The following RAD21 variants were observed in gnomAD, a reference collection of about 807,000 sequenced individuals.
RAD21 encodes RAD21 cohesin complex component.
RAD21 carries 18 observed loss-of-function variants against 71.5 expected under a neutral mutation model. The observed-to-expected ratio is 0.25, with a 90% CI of 0.17 to 0.37. The LOEUF (loss-of-function observed/expected upper bound fraction) is 0.37. RAD21 is among the 10% of genes least tolerant of loss of function. RAD21 has a pLI of 1.00. For synonymous variants in RAD21, 248 were observed against 254.0 expected (o/e 0.98, Z 0.22); for missense variants, 493 against 769.1 (o/e 0.64, Z 4.25).
chr8:116,869,970 G>A (rs932336428), intron 1 of RAD21, among the ~76,000 whole-genome samples: 3 of 152,058 alleles, frequency 2.0e-5, no homozygotes, highest in African/African-American at 4.8e-5. Flanking sequence ...TTAGTTACGC[G>A]TATCACAAGC....
chr8:116,858,547 A>ATG (rs1812519381), intron 4 of RAD21, 89 bp from the exon 5 acceptor site: 2 of 972,994 alleles, frequency 2.1e-6, no homozygotes, highest in African/African-American at 1.7e-5. Context: ...AATTAAAAAA[A>ATG]TATATATGTA....
In RAD21 at chr8:116,858,467, G is replaced by A. The variant is rs1812517261; in HGVS notation, c.375-9C>T. On this transcript the variant is annotated splice_polypyrimidine_tract_variant and intron_variant, in intron 4 of 13. Transcript: ENST00000297338. ...GGGCCACATCGATGTCACTTTAAAA[G>A]AAGGTCAAATACATTTTAGTTTCAA... 1.9e-6 allele frequency: 3 copies of A among 1,602,260 alleles called. No individual in the cohort carries two copies. Among genetic ancestry groups the A allele is most frequent in the Admixed American group, 1.7e-5 (1 of 59,654 alleles).
chr8:116,861,556 T>A (rs1812594506), intron 4 of RAD21, among the ~76,000 whole-genome samples: 1 of 151,830 alleles, frequency 6.6e-6, no homozygotes, highest in African/African-American at 2.4e-5. Flanking sequence ...TTCCCTGCTA[T>A]CATTATATAA....
At chr8:116,867,749 AAT>A (rs1812726056) in intron 1 of RAD21, among the ~76,000 whole-genome samples, 1 of 152,222 alleles carries the variant, frequency 6.6e-6, no homozygotes, top group African/African-American at 2.4e-5. Context: ...TTTAATTTGA[AAT>A]AGAGTCACAG....
chr8:116,852,510 A>G, intron 10 of RAD21, 39 bp downstream of exon 10: 1 of 1,552,960 alleles, frequency 6.4e-7, no homozygotes, highest in Non-Finnish European at 8.7e-7. Context: ...CCAAATACTC[A>G]TGTGAACTTC....
intron 12 of RAD21, chr8:116,849,288 G>T: frequency 2.7e-6 from 1 of 369,906 alleles, no homozygotes; most frequent in Non-Finnish European, 4.8e-6. Context: ...TGCGCTATAA[G>T]GATGCTATCT....
intron 4 of RAD21, among the ~76,000 whole-genome samples, chr8:116,859,050 T>G (rs1255333734): frequency 1.4e-5 from 2 of 144,018 alleles, no homozygotes; most frequent in Non-Finnish European, 3.0e-5. Flanking sequence ...ATAAGCTATA[T>G]CAACCAGATG....
intron 4 of RAD21, among the ~76,000 whole-genome samples, chr8:116,858,721 G>A (rs957562146): frequency 6.6e-6 from 1 of 152,052 alleles, no homozygotes. Flanking sequence ...CAAGTACAGA[G>A]GAAAAAATTA....
intron 1 of RAD21, among the ~76,000 whole-genome samples, chr8:116,872,370 T>C (rs1563695832): frequency 6.6e-6 from 1 of 152,172 alleles, no homozygotes. Flanking sequence ...GCAAAAAAGT[T>C]GGAGTTTTAA....
chr8:116,853,062 A>C (rs189617195), intron 9 of RAD21, among the ~76,000 whole-genome samples: 1 of 152,076 alleles, frequency 6.6e-6, no homozygotes, highest in South Asian at 2.1e-4. Flanking sequence ...ACATATGGTA[A>C]CCTTATTAGC....
At chr8:116,870,495 G>A (rs1411656945) in intron 1 of RAD21, among the ~76,000 whole-genome samples, 1 of 152,160 alleles carries the variant, frequency 6.6e-6, no homozygotes, top group African/African-American at 2.4e-5. Context: ...TTATTTTATA[G>A]ATTAAAACAT....
At position 116,847,099 on chromosome 8, in the gene RAD21, C is replaced by G. The variant is rs1812265693; in HGVS notation, c.*401G>C. On this transcript the variant is annotated 3_prime_UTR_variant, in exon 14 of 14. Coordinates refer to ENST00000297338, the MANE Select transcript of RAD21 (RefSeq NM_006265.3). ...GTTTTTTTTTCTTGTCAAAGACTTA[C>G]ACCATAGTTTTAAATTAAACTGTCA... 4.3e-6 allele frequency: 1 copy of G among 233,100 alleles called. No homozygotes were observed. The highest frequency in any genetic ancestry group is 8.4e-6 in the Non-Finnish European group (1 of 118,354). 14.4% of individuals were successfully genotyped at this position (233,100 alleles called of 1,614,324 possible). A position where few individuals can be genotyped will look rare whatever the true frequency, so the allele number is the denominator to read the frequency against.
At chr8:116,851,813 C>T (rs1316159576) in intron 11 of RAD21, 135 bp downstream of exon 11, 1 of 877,544 alleles carries the variant, frequency 1.1e-6, no homozygotes, top group African/African-American at 1.7e-5. Context: ...TATCCTGTTG[C>T]TCTTCTTCCT....
chr8:116,849,161 G>T, intron 12 of RAD21, 132 bp from the exon 13 acceptor site: 1 of 576,202 alleles, frequency 1.7e-6, no homozygotes, highest in Non-Finnish European at 2.9e-6. Context: ...TGTACTTAAT[G>T]CTGCTGAGCA....
At chr8:116,863,281 T>C (rs1812626418) in intron 2 of RAD21, 22 bp from the exon 3 acceptor site, 1 of 1,597,266 alleles carries the variant, frequency 6.3e-7, no homozygotes, top group African/African-American at 1.3e-5. Context: ...ACATTAATCA[T>C]ATTCCAAAAC....
Position 116,858,484 on chromosome 8 carries a change from T to C in RAD21, c.375-26A>G, listed in dbSNP as rs753436981. 5.1e-6 allele frequency: 8 copies of C among 1,567,136 alleles called. 1 individual carries two copies. The highest frequency in any genetic ancestry group is 1.7e-4 in the Middle Eastern group (1 of 5,958). ...CTTTAAAAGAAGGTCAAATACATTT[T>C]AGTTTCAAGTCTATGTATAAGAAAA... is the stretch of plus-strand genomic sequence containing the variant. On this transcript the variant is annotated intron_variant, in intron 4 of 13. Coordinates refer to ENST00000297338, the MANE Select transcript of RAD21 (RefSeq NM_006265.3).
In RAD21 at chr8:116,850,643, T is replaced by C. The variant is rs763363543; in HGVS notation, c.1595A>G (p.Glu532Gly). The C allele has an allele frequency of 2.5e-6, 4 of 1,609,672 alleles. No individual in the cohort carries two copies. The Admixed American group carries it at 5.0e-5, about 20-fold the overall frequency. The part of the protein sequence containing the change: ...LPEKEKEKEK[E>G]KEDDEEEEDE... ...CTCTTCCTCTTCATCATCTTCTTTTTCCTTCTCTTTCTCCTTCTCTTTTTC... is the reference window on the plus strand; with the variant it reads ...CTCTTCCTCTTCATCATCTTCTTTTCCCTTCTCTTTCTCCTTCTCTTTTTC... The change falls in exon 12 of 14, where the codon GAA becomes GGA. Residue 532 changes from glutamate to glycine, a missense_variant. By Grantham distance (98) the Glu-to-Gly change is moderately conservative. Around this residue, in one of 5 missense-constraint regions of RAD21, gnomAD observed 225 missense variants for 218.3 expected, o/e 1.03. Transcript: ENST00000297338.
chr8:116,866,440 A>G (rs998926093), intron 2 of RAD21, 146 bp downstream of exon 2: 1 of 628,784 alleles, frequency 1.6e-6, no homozygotes, highest in Non-Finnish European at 2.6e-6. Flanking sequence ...TCTAGAGGTG[A>G]TAAGGACTTC....
chr8:116,857,583 C>T (rs1368413470), intron 5 of RAD21, 110 bp from the exon 6 acceptor site: 1 of 920,886 alleles, frequency 1.1e-6, no homozygotes, highest in East Asian at 2.7e-5. Context: ...TTACTGAAGT[C>T]TTACTTCAAA....
Sources: allele counts gnomAD v4.1 joint callset (sites outside exome capture counted in the v4.1 genomes callset), GRCh38; gene constraint gnomAD v4.1.1; regional missense constraint gnomAD v4.1.1; transcripts MANE v1.5; gene names NCBI Gene and HGNC (gene_info 2026-07-23, HGNC 2026-07-21).